Variants in FMO1 observed in about 807,000 individuals in gnomAD.
FMO1 encodes flavin-containing monooxygenase 1.
A neutral mutation model predicts 45.4 loss-of-function variants in FMO1; 36 were observed. The observed-to-expected ratio is 0.79, with a 90% CI of 0.61 to 1.05. FMO1 has a LOEUF of 1.05. FMO1 is among the 50% of genes least tolerant of loss of function. FMO1 has a pLI of 0.00. For missense variants in FMO1, 615 were observed against 640.3 expected, an observed-to-expected ratio of 0.96 and a Z score of 0.43; for synonymous variants, 228 against 227.2, an observed-to-expected ratio of 1.00 and a Z score of -0.03.
At chr1:171,284,226 A>G (rs1057374553) in intron 8 of FMO1, among the ~76,000 whole-genome samples, 1 of 151,964 alleles carries the variant, frequency 6.6e-6, no homozygotes, top group Admixed American at 6.6e-5. Flanking sequence ...CATCTAAGGA[A>G]CTTATTATCA....
chr1:171,266,407 C>T (rs1442733928), intron 2 of FMO1, among the ~76,000 whole-genome samples: 1 of 152,108 alleles, frequency 6.6e-6, no homozygotes, highest in Non-Finnish European at 1.5e-5. Flanking sequence ...TTAGATATTC[C>T]AGCTGAATAA....
chr1:171,278,617 G>T (rs1661212072), intron 4 of FMO1, 112 bp from the exon 5 acceptor site: 3 of 809,196 alleles, frequency 3.7e-6, no homozygotes, highest in Non-Finnish European at 1.9e-6. Context: ...GAGAATACTA[G>T]TAAAAATGAC....
chr1:171,272,650 T>G (rs1010411003), intron 3 of FMO1, among the ~76,000 whole-genome samples: 3 of 152,166 alleles, frequency 2.0e-5, no homozygotes, highest in Non-Finnish European at 4.4e-5. Flanking sequence ...AGGAGTTCAT[T>G]TTGGAGCTTT....
At chr1:171,258,865 G>A (rs574266679) in intron 2 of FMO1, among the ~76,000 whole-genome samples, 1 of 151,974 alleles carries the variant, frequency 6.6e-6, no homozygotes, top group East Asian at 1.9e-4. Flanking sequence ...GAGGACCGAG[G>A]AAAGGGGACT....
intron 1 of FMO1, among the ~76,000 whole-genome samples, chr1:171,252,463 C>A (rs1659936697): frequency 6.6e-6 from 1 of 152,226 alleles, no homozygotes; most frequent in African/African-American, 2.4e-5. Context: ...CTGCCCTCGT[C>A]TCTTTCCCTA....
At chr1:171,275,743 T>A (rs28360399) in intron 4 of FMO1, among the ~76,000 whole-genome samples, 29 of 152,124 alleles carry the variant, frequency 1.9e-4, no homozygotes, top group Admixed American at 8.5e-4. Flanking sequence ...GATAACTTTA[T>A]AAGTATTTTT....
At chr1:171,249,131 GTTGTTAAAAGTGTTTCGTGCTTCATTCTA>G (rs1659764645) in intron 1 of FMO1, among the ~76,000 whole-genome samples, 3 of 151,790 alleles carry the variant, frequency 2.0e-5, no homozygotes, top group Non-Finnish European at 4.4e-5. Flanking sequence ...CTTTTTTTCT[GTTGTTAAAAGTGTTTCGTGCTTCATTCTA>G]TGTATTATGT....
rs1660675331 is a variant in FMO1 at position 171,267,687 on chromosome 1, A to C, written c.277A>C (p.Met93Leu). 2 of 1,613,864 alleles carry C rather than the reference A, an allele frequency of 1.2e-6. No individual in the cohort carries two copies. Among genetic ancestry groups the C allele is most frequent in the Non-Finnish European group, 1.7e-6 (2 of 1,179,868 alleles). ...PNSQFLEYLK[M>L]YANHFDLLKH... ...TTCTCAATTCCTGGAATATCTCAAA[A>C]TGTATGCAAACCACTTTGACCTTCT... The change falls in exon 3 of 9, where the codon ATG becomes CTG. Residue 93 changes from methionine (M) to leucine (L), a missense_variant. Physicochemically the swap from Met to Leu is conservative, Grantham distance 15. Coordinates refer to ENST00000617670, the MANE Select transcript of FMO1 (RefSeq NM_001282693.2).
chr1:171,285,767 G>A lies in FMO1; in HGVS notation c.*223G>A. 1 of 361,004 alleles carries A rather than the reference G, an allele frequency of 2.8e-6. No homozygotes were observed. Among genetic ancestry groups the A allele is most frequent in the Non-Finnish European group, 4.9e-6 (1 of 203,476 alleles). The allele number at this position is 361,004 out of a possible 1,614,324, so 22.4% of individuals were successfully genotyped here. A position where few individuals can be genotyped will look rare whatever the true frequency, so the allele number is the denominator to read the frequency against. ...TAACTAAGACTTCTGTGCATTTGAA[G>A]GTTGTTGGAAAGTTACAGGTTCATT... On this transcript the variant is annotated 3_prime_UTR_variant, in exon 9 of 9. Transcript: ENST00000617670.
chr1:171,258,304 G>C (rs373002015), intron 2 of FMO1, 85 bp downstream of exon 2: 3 of 1,510,918 alleles, frequency 2.0e-6, no homozygotes. Context: ...TTTCACAAGG[G>C]TTGGTGGCCT....
intron 3 of FMO1, among the ~76,000 whole-genome samples, chr1:171,269,847 C>T (rs12022278): frequency 0.086 from 13,131 of 152,180 alleles, 666 homozygotes; most frequent in Admixed American, 0.15. Context: ...GGAAAATATA[C>T]GCTATTTTGA....
At position 171,280,802 on chromosome 1, in the gene FMO1, C is replaced by G; in HGVS notation, c.644C>G (p.Thr215Ser). 6.2e-7 allele frequency: 1 copy of G among 1,612,706 alleles called. No individual in the cohort carries two copies. The highest frequency in any genetic ancestry group is 8.5e-7 in the Non-Finnish European group (1 of 1,179,708). Residue 215 changes from threonine to serine, a missense_variant, in exon 6 of 9, where the codon ACC becomes AGC. Physicochemically the swap from Thr to Ser is moderately conservative, Grantham distance 58 (BLOSUM62 1). Transcript: ENST00000617670. ...HLAEKVFLSTTGGGWVISRIF... is the reference protein window; with the variant it reads ...HLAEKVFLSTSGGGWVISRIF... Reference sequence around the variant, plus strand: ...TGCTTCCAGGTGTTCCTCAGCACCACCGGAGGGGGATGGGTGATCAGCCGA... The same window carrying G: ...TGCTTCCAGGTGTTCCTCAGCACCAGCGGAGGGGGATGGGTGATCAGCCGA...
intron 5 of FMO1, among the ~76,000 whole-genome samples, chr1:171,279,943 C>T (rs1661285649): frequency 6.6e-6 from 1 of 152,174 alleles, no homozygotes; most frequent in Non-Finnish European, 1.5e-5. Flanking sequence ...TCTTCTATTA[C>T]AATCTACCTT....
rs1262342125 is a variant in FMO1, at chr1:171,258,129, C to T, written c.42C>T (p.Gly14=). ...CCATTGTGGGAGCTGGGGTCAGCGG[C>T]CTGGCCTCCATCAAGTGCTGTCTGG... ...RVAIVGAGVS[G]LASIKCCLEE... The change falls in exon 2 of 9, where the codon GGC becomes GGT. Residue 14 remains glycine (G), a synonymous_variant. Coordinates refer to ENST00000617670, the MANE Select transcript of FMO1 (RefSeq NM_001282693.2). 1.2e-6 allele frequency: 2 copies of T among 1,614,174 alleles called. No individual in the cohort carries two copies. The highest frequency in any genetic ancestry group is 1.1e-5 in the South Asian group (1 of 91,090).
At chr1:171,282,941 A>T in intron 7 of FMO1, 1 of 446,754 alleles carries the variant, frequency 2.2e-6, no homozygotes, top group Non-Finnish European at 4.0e-6. Flanking sequence ...TGAGATGACC[A>T]GATGCTTATC....
intron 2 of FMO1, among the ~76,000 whole-genome samples, chr1:171,258,885 AC>A (rs1170884284): frequency 6.6e-6 from 1 of 152,094 alleles, no homozygotes; most frequent in Non-Finnish European, 1.5e-5. Context: ...TATAAAGCCC[AC>A]CCTTGCCTGG....
intron 2 of FMO1, among the ~76,000 whole-genome samples, chr1:171,258,709 C>T (rs908539839): frequency 6.6e-6 from 1 of 152,174 alleles, no homozygotes; most frequent in South Asian, 2.1e-4. Flanking sequence ...GTCCTGCTGA[C>T]CTGGCAATCC....
Position 171,248,970 on chromosome 1 carries a change from CTT to C in FMO1, c.-7+357_-7+358del, listed in dbSNP as rs10717049. 2.7e-4 allele frequency among the ~76,000 whole-genome samples: 40 copies of C among 146,588 alleles called. 1 individual carries two copies. Among genetic ancestry groups the C allele is most frequent in the Admixed American group, 1.3e-3 (20 of 14,876 alleles). On this transcript the variant is annotated intron_variant, in intron 1 of 8. Transcript: ENST00000617670. Reference sequence around the variant, plus strand: ...ATTTCTAATGCAAGAGGAAAAGTCTCTTTTTTTTTTTAGTGCTTCCATCAGCA... The same window carrying C: ...ATTTCTAATGCAAGAGGAAAAGTCTCTTTTTTTTTAGTGCTTCCATCAGCA...
chr1:171,284,196 A>T (rs1661521883), intron 8 of FMO1, among the ~76,000 whole-genome samples: 1 of 146,210 alleles, frequency 6.8e-6, no homozygotes, highest in African/African-American at 2.6e-5. Flanking sequence ...AACAAAAAAC[A>T]GCAAGTTTTA....
Sources: allele counts gnomAD v4.1 joint callset (sites outside exome capture counted in the v4.1 genomes callset), GRCh38; gene constraint gnomAD v4.1.1; transcripts MANE v1.5; gene names NCBI Gene and HGNC (gene_info 2026-07-23, HGNC 2026-07-21).